The following DPP6 variants were observed in gnomAD, a reference collection of about 807,000 sequenced individuals.
DPP6 encodes A-type potassium channel modulatory protein DPP6.
In DPP6, 69 loss-of-function variants were observed where a neutral mutation model predicts 122.6. The ratio of observed to expected loss-of-function variants is 0.56; its 90% CI spans 0.46 to 0.69. DPP6 has a LOEUF of 0.69. DPP6 is among the 30% of genes least tolerant of loss of function. The pLI, the probability that DPP6 is intolerant of heterozygous loss-of-function variation, is 0.00. For synonymous variants in DPP6, 418 were observed against 433.1 expected (o/e 0.97, Z 0.43); for missense variants, 928 against 1,116.9 (o/e 0.83, Z 2.41).
chr7:153,894,772 A>G (rs929096590), intron 1 of DPP6, among the ~76,000 whole-genome samples: 5 of 152,308 alleles, frequency 3.3e-5, no homozygotes, highest in Admixed American at 3.3e-4. Context: ...TATGTTTAAT[A>G]GTGCTTCTGT....
intron 4 of DPP6, among the ~76,000 whole-genome samples, chr7:154,542,860 G>A (rs1049972000): frequency 2.0e-5 from 3 of 152,186 alleles, no homozygotes; most frequent in African/African-American, 7.2e-5. Context: ...TTTCCGCAGA[G>A]CCACTTAGTC....
intron 1 of DPP6, among the ~76,000 whole-genome samples, chr7:154,154,894 G>T (rs1796606419): frequency 6.6e-6 from 1 of 152,162 alleles, no homozygotes; most frequent in Non-Finnish European, 1.5e-5. Context: ...CAGAGCCAGG[G>T]CAGAGAGACA....
At chr7:154,159,752 G>T (rs1364112158) in intron 1 of DPP6, among the ~76,000 whole-genome samples, 1 of 152,272 alleles carries the variant, frequency 6.6e-6, no homozygotes, top group African/African-American at 2.4e-5. Context: ...TTCTATACAG[G>T]TTATTCACAC....
intron 1 of DPP6, among the ~76,000 whole-genome samples, chr7:154,030,306 G>GAA (rs1799163053): frequency 6.6e-6 from 1 of 152,180 alleles, no homozygotes; most frequent in Non-Finnish European, 1.5e-5. Flanking sequence ...CTAAATATCA[G>GAA]AAATCGCTCA....
intron 1 of DPP6, among the ~76,000 whole-genome samples, chr7:154,032,088 A>G (rs1164692813): frequency 1.1e-4 from 16 of 148,056 alleles, no homozygotes; most frequent in African/African-American, 3.3e-4. Flanking sequence ...GCCAGGATGG[A>G]TGGTCTCGAT....
chr7:153,864,128 A>G, the DPP6 span, among the ~76,000 whole-genome samples: 279 of 152,152 alleles, frequency 1.8e-3, no homozygotes, highest in African/African-American at 6.3e-3. Context: ...TCAAATGGTA[A>G]CTCCATGTCT....
chr7:154,796,203 G>T (rs926929838), intron 12 of DPP6: 1 of 330,742 alleles, frequency 3.0e-6, no homozygotes, highest in Non-Finnish European at 5.5e-6. Context: ...GTCCATCAAA[G>T]GTGGCTTAAC....
At chr7:153,935,391 G>A (rs186592701) in intron 1 of DPP6, among the ~76,000 whole-genome samples, 20 of 152,182 alleles carry the variant, frequency 1.3e-4, no homozygotes, top group Middle Eastern at 3.4e-3. Context: ...TCATGTCAGC[G>A]TGGCACATCC....
intron 1 of DPP6, among the ~76,000 whole-genome samples, chr7:153,911,602 T>G (rs1800096265): frequency 6.6e-6 from 1 of 152,236 alleles, no homozygotes; most frequent in Non-Finnish European, 1.5e-5. Context: ...GGAAAGTGAT[T>G]GCAAAGTAAA....
intron 1 of DPP6, among the ~76,000 whole-genome samples, chr7:154,109,188 A>T (rs1563207720): frequency 6.6e-6 from 1 of 152,292 alleles, no homozygotes; most frequent in African/African-American, 2.4e-5. Flanking sequence ...AATTTTTAAA[A>T]TAGATATGGA....
intron 1 of DPP6, among the ~76,000 whole-genome samples, chr7:154,297,414 T>C (rs1002296500): frequency 5.3e-5 from 8 of 152,204 alleles, no homozygotes; most frequent in Admixed American, 5.2e-4. Context: ...AGCCCTGGTT[T>C]TCCTACCCTT....
chr7:154,088,311 C>T (rs1342820919), intron 1 of DPP6, among the ~76,000 whole-genome samples: 2 of 146,360 alleles, frequency 1.4e-5, no homozygotes, highest in African/African-American at 5.3e-5. Flanking sequence ...CACGTGGCAA[C>T]ACCAACCACG....
At chr7:154,192,013 A>G (rs968894619) in intron 1 of DPP6, among the ~76,000 whole-genome samples, 25 of 152,334 alleles carry the variant, frequency 1.6e-4, no homozygotes, top group Admixed American at 1.6e-3. Context: ...CAAACATTTA[A>G]CCTAAGGCTT....
chr7:154,094,743 G>A (rs181943338), intron 1 of DPP6: 1 of 152,152 alleles, frequency 6.6e-6, no homozygotes, highest in South Asian at 2.1e-4. Context: ...CAGGCAGGGT[G>A]GTGCTGGGTG....
At position 154,595,013 on chromosome 7, in the gene DPP6, A is replaced by ATTT. The variant is rs551036884; in HGVS notation, c.627+28105_627+28107dup. 4.0e-5 allele frequency among the ~76,000 whole-genome samples: 6 copies of ATTT among 150,172 alleles called. No individual in the cohort carries two copies. The East Asian group carries it at 1.2e-3, about 29-fold the overall frequency. On this transcript the variant is annotated intron_variant, in intron 5 of 25. Transcript: ENST00000377770. ...TTTTTAAACCCCAATTGTATCATTGATTTTTTTTTTGGCATTGACGTTAAG... is the reference window on the plus strand; with the variant it reads ...TTTTTAAACCCCAATTGTATCATTGATTTTTTTTTTTTTGGCATTGACGTTAAG...
chr7:154,116,283 T>A (rs1806978298), intron 1 of DPP6, among the ~76,000 whole-genome samples: 1 of 152,248 alleles, frequency 6.6e-6, no homozygotes, highest in South Asian at 2.1e-4. Flanking sequence ...AAAACCTTTT[T>A]ATATAACTTA....
intron 6 of DPP6, among the ~76,000 whole-genome samples, chr7:154,658,933 T>C (rs1348905078): frequency 6.6e-6 from 1 of 152,148 alleles, no homozygotes; most frequent in Non-Finnish European, 1.5e-5. Flanking sequence ...TAAAACCAAG[T>C]TGGGCATTCG....
At chr7:154,449,796 A>G (rs964385366) in intron 2 of DPP6, among the ~76,000 whole-genome samples, 1 of 152,152 alleles carries the variant, frequency 6.6e-6, no homozygotes, top group Middle Eastern at 3.4e-3. Context: ...TCATGAGGTC[A>G]GGAAGCCGAG....
chr7:153,939,668 TAAG>T (rs1300610786), intron 1 of DPP6, among the ~76,000 whole-genome samples: 3 of 152,192 alleles, frequency 2.0e-5, no homozygotes, highest in East Asian at 1.9e-4. Context: ...TTTAAGAAGA[TAAG>T]AAGGTGAATA....
Sources: gnomAD v4.1 joint callset for allele counts (sites outside exome capture counted in the v4.1 genomes callset) on GRCh38, gnomAD v4.1.1 for gene constraint, MANE v1.5 for transcripts, NCBI Gene and HGNC (gene_info 2026-07-23, HGNC 2026-07-21) for gene names.